The following KMT2C variants were observed in gnomAD, a reference collection of about 807,000 sequenced individuals.
KMT2C encodes the protein lysine methyltransferase 2C.
KMT2C carries 88 observed loss-of-function variants against 507.9 expected under a neutral mutation model. The ratio of observed to expected loss-of-function variants is 0.17; its 90% CI spans 0.15 to 0.21. KMT2C has a LOEUF of 0.21. Among genes scored for constraint, KMT2C ranks in the 10% least tolerant of loss-of-function variants. The pLI, the probability that KMT2C is intolerant of heterozygous loss-of-function variation, is 1.00. For synonymous variants in KMT2C, 2,049 were observed against 2,080.8 expected, an observed-to-expected ratio of 0.98 and a Z score of 0.42; for missense variants, 4,954 against 5,957.8, an observed-to-expected ratio of 0.83 and a Z score of 5.55.
In KMT2C at chr7:152,251,988, C is replaced by T; in HGVS notation, c.1572G>A (p.Met524Ile). 1 of 1,612,908 alleles carries T rather than the reference C, an allele frequency of 6.2e-7. No homozygotes were observed. Among genetic ancestry groups the T allele is most frequent in the Non-Finnish European group, 8.5e-7 (1 of 1,179,364 alleles). Reference sequence around the variant, plus strand: ...CTTCCTCACCTGGCTGTAAACGATCCATCTCAGCTCCCAGGTGTTTACAAT... The same window carrying T: ...CTTCCTCACCTGGCTGTAAACGATCTATCTCAGCTCCCAGGTGTTTACAAT... ...CMYCKHLGAE[M>I]DRLQPGEEVE... The change falls in exon 11 of 59, where the codon ATG becomes ATA. Residue 524 changes from methionine (M) to isoleucine (I), a missense_variant. This residue lies in a region of KMT2C where 376 missense variants were observed against 352.4 expected (regional missense o/e 1.07). Coordinates refer to ENST00000262189, the MANE Select transcript of KMT2C (RefSeq NM_170606.3).
intron 1 of KMT2C, among the ~76,000 whole-genome samples, chr7:152,389,478 C>CTT (rs34188557): frequency 9.9e-4 from 127 of 128,800 alleles, no homozygotes; most frequent in African/African-American, 3.3e-3. Flanking sequence ...TAATTATTTA[C>CTT]TTTTTTTTTT....
intron 7 of KMT2C, among the ~76,000 whole-genome samples, chr7:152,267,435 C>T (rs1233369458): frequency 6.6e-6 from 1 of 152,184 alleles, no homozygotes; most frequent in Non-Finnish European, 1.5e-5. Flanking sequence ...CTGAACTCAG[C>T]CCTGACCCAA....
At chr7:152,385,692 G>A (rs1258372206) in intron 1 of KMT2C, among the ~76,000 whole-genome samples, 4 of 144,644 alleles carry the variant, frequency 2.8e-5, no homozygotes, top group African/African-American at 5.2e-5. Flanking sequence ...TGATATTATG[G>A]ATTTAACTGT....
Position 152,162,404 on chromosome 7 carries a change from T to G in KMT2C, c.11173A>C (p.Thr3725Pro), listed in dbSNP as rs143269206. The G allele has an allele frequency of 5.6e-6, 9 of 1,614,154 alleles. No individual in the cohort carries two copies. The African/African-American group carries it at 1.2e-4, about 22-fold the overall frequency. ...TEEIKLEKAETESCPGQEEPK... is the reference protein window; with the variant it reads ...TEEIKLEKAEPESCPGQEEPK... The stretch of plus-strand genomic sequence containing the variant: ...TCCTCTTGGCCTGGGCAGGACTCTG[T>G]CTCAGCCTTTTCCAGTTTTATCTCT... The change falls in exon 43 of 59, where the codon ACA (threonine) becomes CCA (proline). Residue 3725 changes from threonine to proline, a missense_variant. Transcript: ENST00000262189.
chr7:152,268,086 C>A (rs1206087151), intron 7 of KMT2C, among the ~76,000 whole-genome samples: 1 of 152,200 alleles, frequency 6.6e-6, no homozygotes, highest in East Asian at 1.9e-4. Context: ...TCGAGACCAG[C>A]CGGGCCAACA....
chr7:152,346,897 C>CG (rs1209005858), intron 2 of KMT2C, among the ~76,000 whole-genome samples: 3 of 152,078 alleles, frequency 2.0e-5, no homozygotes, highest in African/African-American at 7.3e-5. Context: ...GAGGCCGAGG[C>CG]GGGCGGATCA....
intron 2 of KMT2C, among the ~76,000 whole-genome samples, chr7:152,346,227 A>C (rs1030416334): frequency 6.6e-6 from 1 of 152,218 alleles, no homozygotes; most frequent in African/African-American, 2.4e-5. Flanking sequence ...TGACACCGTT[A>C]ATCAACTGGA....
rs772300617 is a variant in KMT2C, at chr7:152,158,815, T to G, written c.11670+48A>C. The stretch of plus-strand genomic sequence containing the variant: ...CAGGCATGAGCCACTGCCCCCAGCC[T>G]ATATCCTTGACTTTTAAAAGAGGCT... On this transcript the variant is annotated intron_variant, in intron 44 of 58. Transcript: ENST00000262189. 3 of 1,570,924 alleles carry G rather than the reference T, an allele frequency of 1.9e-6. No homozygotes were observed. In the East Asian group the frequency reaches 6.7e-5, roughly 35 times the overall value.
At chr7:152,221,756 A>C (rs551055857) in intron 22 of KMT2C, among the ~76,000 whole-genome samples, 1 of 152,348 alleles carries the variant, frequency 6.6e-6, no homozygotes, top group East Asian at 1.9e-4. Flanking sequence ...AACTAAAGCA[A>C]GTATGGCATT....
intron 1 of KMT2C, among the ~76,000 whole-genome samples, chr7:152,430,698 A>AT (rs1174594610): frequency 2.0e-5 from 3 of 152,076 alleles, no homozygotes; most frequent in Non-Finnish European, 2.9e-5. Flanking sequence ...CACCCAGCTA[A>AT]TTTTTTTGTA....
chr7:152,359,429 T>G (rs1200767527), intron 1 of KMT2C, among the ~76,000 whole-genome samples: 1 of 151,994 alleles, frequency 6.6e-6, no homozygotes, highest in Admixed American at 6.6e-5. Context: ...AAAGCAGTAC[T>G]CAGATAATGT....
chr7:152,333,052 T>C (rs914705050), intron 2 of KMT2C, among the ~76,000 whole-genome samples: 2 of 152,148 alleles, frequency 1.3e-5, no homozygotes, highest in Non-Finnish European at 2.9e-5. Flanking sequence ...CACAGAGATA[T>C]AATAGTCTAA....
chr7:152,235,010 A>T (rs1182149110), intron 16 of KMT2C, among the ~76,000 whole-genome samples: 1 of 152,198 alleles, frequency 6.6e-6, no homozygotes, highest in African/African-American at 2.4e-5. Context: ...ATCTCCAAAT[A>T]ATTGTGCTGA....
At chr7:152,153,159 A>C (rs113807840) in intron 48 of KMT2C, among the ~76,000 whole-genome samples, 104 of 152,308 alleles carry the variant, frequency 6.8e-4, no homozygotes, top group African/African-American at 2.2e-3. Context: ...ATAAACAGAA[A>C]TCCTCATAAA....
intron 23 of KMT2C, among the ~76,000 whole-genome samples, chr7:152,214,278 C>T (rs565855562): frequency 1.3e-5 from 2 of 152,116 alleles, no homozygotes; most frequent in East Asian, 3.9e-4. Context: ...ATATTCATGG[C>T]GACATTACTC....
At chr7:152,297,047 AAGAAAGACAGAGAGAGAGAGAGAG>A (rs1427074791) in intron 6 of KMT2C, among the ~76,000 whole-genome samples, 26 of 68,930 alleles carry the variant, frequency 3.8e-4, no homozygotes, top group African/African-American at 1.5e-3. Context: ...GAAAGAAAGA[AAGAAAGACAGAGAGAGAGAGAGAG>A]AGAGAGAGAG....
intron 7 of KMT2C, among the ~76,000 whole-genome samples, chr7:152,272,807 T>C (rs937966302): frequency 6.6e-6 from 1 of 152,170 alleles, no homozygotes; most frequent in Non-Finnish European, 1.5e-5. Flanking sequence ...TAACTGTATT[T>C]GAGATTAGTT....
At chr7:152,186,802 A>AT (rs148155013) in intron 33 of KMT2C, among the ~76,000 whole-genome samples, 33 of 152,284 alleles carry the variant, frequency 2.2e-4, no homozygotes, top group African/African-American at 7.7e-4. Context: ...AAACTGTACT[A>AT]TTATCATCTG....
intron 1 of KMT2C, among the ~76,000 whole-genome samples, chr7:152,365,683 G>C (rs1428144546): frequency 1.3e-5 from 2 of 152,208 alleles, no homozygotes; most frequent in African/African-American, 4.8e-5. Context: ...TCCCGGCCCA[G>C]TGTTTTGTTT....
Sources: allele counts gnomAD v4.1 joint callset (sites outside exome capture counted in the v4.1 genomes callset), GRCh38; gene constraint gnomAD v4.1.1; regional missense constraint gnomAD v4.1.1; transcripts MANE v1.5; gene names NCBI Gene and HGNC (gene_info 2026-07-23, HGNC 2026-07-21).